Variants in SIPA1L2 observed in about 807,000 individuals in gnomAD.
The protein encoded by SIPA1L2 is signal induced proliferation associated 1 like 2.
In SIPA1L2, 56 loss-of-function variants were observed where a neutral mutation model predicts 163.9. That is an observed-to-expected ratio of 0.34 (90% CI 0.28 to 0.43). SIPA1L2 has a LOEUF of 0.43. SIPA1L2 is among the 20% of genes least tolerant of loss of function. The pLI, the probability that SIPA1L2 is intolerant of heterozygous loss-of-function variation, is 1.00. For synonymous variants in SIPA1L2, 877 were observed against 865.7 expected (o/e 1.01, Z -0.23); for missense variants, 1,974 against 2,193.5 (o/e 0.90, Z 2.00).
At chr1:232,583,886 C>T (rs1660514065) in intron 1 of SIPA1L2, among the ~76,000 whole-genome samples, 1 of 152,172 alleles carries the variant, frequency 6.6e-6, no homozygotes, top group East Asian at 1.9e-4. Context: ...CTCTGCCCTC[C>T]TGTCTCTGGT....
At chr1:232,480,154 C>CGTGTGTGTGTGTGTGTGTGTGT (rs536840154) in intron 6 of SIPA1L2, among the ~76,000 whole-genome samples, 20 of 132,738 alleles carry the variant, frequency 1.5e-4, no homozygotes, top group African/African-American at 5.7e-4. Context: ...TGTGTGTGTG[C>CGTGTGTGTGTGTGTGTGTGTGT]GTGTGTGTGT....
chr1:232,439,323 G>A lies in SIPA1L2; in HGVS notation c.3816C>T (p.Cys1272=), dbSNP rs200882942. Reference sequence around the variant, plus strand: ...CAGGGCCGAGGATGGTGGCAGGCATGCAGGGGGCCGTGTCGATGCCACTGT... The same window carrying A: ...CAGGGCCGAGGATGGTGGCAGGCATACAGGGGGCCGTGTCGATGCCACTGT... ...STDSGIDTAP[C]MPATILGPVH... The change falls in exon 15 of 23, where the codon TGC becomes TGT. Residue 1272 remains cysteine (C), a synonymous_variant. Transcript: ENST00000674635. 2 of 1,614,224 alleles carry A rather than the reference G, an allele frequency of 1.2e-6. No individual in the cohort carries two copies. The highest frequency in any genetic ancestry group is 8.5e-7 in the Non-Finnish European group (1 of 1,180,040).
intron 1 of SIPA1L2, among the ~76,000 whole-genome samples, chr1:232,623,168 G>T (rs1184229938): frequency 6.6e-6 from 1 of 152,236 alleles, no homozygotes; most frequent in Admixed American, 6.5e-5. Context: ...TGGGAAGCCA[G>T]GCATTCCTTG....
At chr1:232,590,002 C>A (rs1256291618) in intron 1 of SIPA1L2, among the ~76,000 whole-genome samples, 2 of 152,202 alleles carry the variant, frequency 1.3e-5, no homozygotes, top group Non-Finnish European at 2.9e-5. Context: ...AATCACAGAA[C>A]AGGAAGTCAT....
At chr1:232,563,730 T>A (rs1227339837) in intron 2 of SIPA1L2, among the ~76,000 whole-genome samples, 1 of 152,160 alleles carries the variant, frequency 6.6e-6, no homozygotes, top group Non-Finnish European at 1.5e-5. Context: ...TTTGTTTTGT[T>A]TTATGACGGA....
chr1:232,538,343 T>C (rs116080005), intron 2 of SIPA1L2, among the ~76,000 whole-genome samples: 2,263 of 152,188 alleles, frequency 0.015, 64 homozygotes, highest in African/African-American at 0.052. Context: ...AAACACCCAC[T>C]TCTCTTCTCC....
chr1:232,519,348 C>T (rs902386870), intron 2 of SIPA1L2, among the ~76,000 whole-genome samples: 3 of 152,290 alleles, frequency 2.0e-5, no homozygotes, highest in African/African-American at 2.4e-5. Flanking sequence ...AGCGTGGCTA[C>T]GCGGCTGTGT....
intron 1 of SIPA1L2, among the ~76,000 whole-genome samples, chr1:232,616,084 C>T (rs1662484895): frequency 6.6e-6 from 1 of 152,192 alleles, no homozygotes; most frequent in African/African-American, 2.4e-5. Context: ...GACATACAGG[C>T]CCCATAGCCA....
intron 1 of SIPA1L2, among the ~76,000 whole-genome samples, chr1:232,618,684 G>C (rs559473240): frequency 6.7e-6 from 1 of 150,360 alleles, no homozygotes; most frequent in Non-Finnish European, 1.5e-5. Flanking sequence ...TTGTTACTCC[G>C]CATAATTTTA....
chr1:232,420,247 C>T (rs550386387), intron 18 of SIPA1L2, among the ~76,000 whole-genome samples: 3 of 151,568 alleles, frequency 2.0e-5, no homozygotes, highest in East Asian at 2.0e-4. Context: ...TGCTTGAACC[C>T]GGGAGGTGGT....
chr1:232,466,816 CA>C (rs1454848717), intron 8 of SIPA1L2, among the ~76,000 whole-genome samples: 1 of 151,786 alleles, frequency 6.6e-6, no homozygotes, highest in Non-Finnish European at 1.5e-5. Flanking sequence ...GAAACAAAAA[CA>C]AAAAAACAAA....
At chr1:232,564,277 TG>T (rs2102756384) in intron 2 of SIPA1L2, among the ~76,000 whole-genome samples, 1 of 106,618 alleles carries the variant, frequency 9.4e-6, no homozygotes, top group South Asian at 3.2e-4. Context: ...TGTGTGTGTG[TG>T]TGTATGATGG....
chr1:232,563,944 G>GTTTTT (rs1264800808), intron 2 of SIPA1L2, among the ~76,000 whole-genome samples: 2 of 100,014 alleles, frequency 2.0e-5, no homozygotes, highest in Admixed American at 1.9e-4. Context: ...ACAAAGGTTT[G>GTTTTT]TTTTTTTTTT....
intron 2 of SIPA1L2, among the ~76,000 whole-genome samples, chr1:232,541,713 G>A (rs990063838): frequency 6.6e-6 from 1 of 152,120 alleles, no homozygotes; most frequent in African/African-American, 2.4e-5. Context: ...AAGAAAGAAT[G>A]AAAGAAGAAC....
chr1:232,605,451 T>C (rs1393611852), intron 1 of SIPA1L2, among the ~76,000 whole-genome samples: 4 of 152,182 alleles, frequency 2.6e-5, no homozygotes, highest in Admixed American at 6.5e-5. Context: ...TTCCAGAACT[T>C]TGGGAGGCCG....
chr1:232,528,435 G>C (rs1162030637), intron 2 of SIPA1L2, among the ~76,000 whole-genome samples: 1 of 151,998 alleles, frequency 6.6e-6, no homozygotes, highest in Non-Finnish European at 1.5e-5. Context: ...TTAAAAATTA[G>C]AAATAAAAAC....
Position 232,525,401 on chromosome 1 carries a change from ATTTTTTTTTTT to A in SIPA1L2, c.-269-9804_-269-9794del, listed in dbSNP as rs59155660. ...CAGGCACCCGCCACCAAGCCTGGCT[ATTTTTTTTTTT>A]TTTTTTTTTTTTTTTGTATTTCTAG... On this transcript the variant is annotated intron_variant, in intron 2 of 22. Coordinates refer to ENST00000674635, the MANE Select transcript of SIPA1L2 (RefSeq NM_020808.5). 5.5e-3 allele frequency among the ~76,000 whole-genome samples: 705 copies of A among 127,640 alleles called. 4 individuals are homozygous for A. The highest frequency in any genetic ancestry group is 0.025 in the South Asian group (94 of 3,746). The allele number at this position is 127,640 out of a possible 152,430, so 83.7% of individuals were successfully genotyped here.
At chr1:232,579,773 T>A (rs1660275487) in intron 1 of SIPA1L2, among the ~76,000 whole-genome samples, 1 of 152,072 alleles carries the variant, frequency 6.6e-6, no homozygotes, top group Non-Finnish European at 1.5e-5. Flanking sequence ...AAAGGCAGAT[T>A]AATAGGAGAA....
In SIPA1L2 at chr1:232,445,530, T is replaced by C; in HGVS notation, c.3352A>G (p.Arg1118Gly). The C allele has an allele frequency of 1.2e-6, 2 of 1,613,678 alleles. No homozygotes were observed. ...SFDRKLPDGT[R>G]SSPSNQSSSS... ...TTGAGGAAACGGAACCAGCATTACCTCGTGCCATCGGGCAGCTTCCGGTCG... is the reference window on the plus strand; with the variant it reads ...TTGAGGAAACGGAACCAGCATTACCCCGTGCCATCGGGCAGCTTCCGGTCG... Residue 1118 changes from arginine (R) to glycine (G), a missense_variant and splice_region_variant, in exon 11 of 23, where the codon AGA becomes GGA. By Grantham distance (125) the Arg-to-Gly change is moderately radical (BLOSUM62 -2). Transcript: ENST00000674635.
Sources: gnomAD v4.1 joint callset for allele counts (sites outside exome capture counted in the v4.1 genomes callset) on GRCh38, gnomAD v4.1.1 for gene constraint, MANE v1.5 for transcripts, NCBI Gene and HGNC (gene_info 2026-07-23, HGNC 2026-07-21) for gene names.